The following MYO3B variants were observed in gnomAD, a reference collection of about 807,000 sequenced individuals.
The protein encoded by MYO3B is myosin-IIIb.
In MYO3B, 156 loss-of-function variants were observed where a neutral mutation model predicts 174.6. The observed-to-expected ratio is 0.89, with a 90% CI of 0.78 to 1.02. The LOEUF is 1.02. Among genes scored for constraint, MYO3B ranks in the 50% least tolerant of loss-of-function variants. The pLI is 0.00. For missense variants in MYO3B, 1,632 were observed against 1,639.4 expected (o/e 1.00, Z 0.08); for synonymous variants, 563 against 569.1 (o/e 0.99, Z 0.15).
chr2:170,394,467 G>C (rs1391817728), intron 16 of MYO3B, among the ~76,000 whole-genome samples: 2 of 152,136 alleles, frequency 1.3e-5, no homozygotes, highest in Admixed American at 1.3e-4. Flanking sequence ...TTAAGTATAT[G>C]TCCTTGAAGT....
chr2:170,621,758 C>T (rs1474405481), intron 32 of MYO3B, among the ~76,000 whole-genome samples: 2 of 152,020 alleles, frequency 1.3e-5, no homozygotes, highest in African/African-American at 2.4e-5. Flanking sequence ...ATGATCCACC[C>T]GCCTCGGCCT....
chr2:170,630,153 C>A (rs1158049696), intron 32 of MYO3B, among the ~76,000 whole-genome samples: 2 of 152,150 alleles, frequency 1.3e-5, no homozygotes, highest in Non-Finnish European at 2.9e-5. Context: ...CCTTTCCTAG[C>A]CAAGGGAAAC....
intron 8 of MYO3B, among the ~76,000 whole-genome samples, chr2:170,367,631 T>C (rs915172127): frequency 6.6e-6 from 1 of 152,192 alleles, no homozygotes; most frequent in African/African-American, 2.4e-5. Context: ...GTTCCCTCTT[T>C]TTTCAGGAAA....
chr2:170,570,786 G>C (rs1692389349), intron 32 of MYO3B, among the ~76,000 whole-genome samples: 1 of 151,456 alleles, frequency 6.6e-6, no homozygotes, highest in African/African-American at 2.4e-5. Flanking sequence ...TTTTTTTAGT[G>C]GTTTTTCAAA....
intron 9 of MYO3B, among the ~76,000 whole-genome samples, chr2:170,374,155 A>G (rs1574870849): frequency 1.3e-5 from 2 of 152,268 alleles, no homozygotes; most frequent in Admixed American, 1.3e-4. Flanking sequence ...AGGAGTTAGG[A>G]GTAGAGAAAG....
At chr2:170,318,571 A>G (rs1156753142) in intron 7 of MYO3B, among the ~76,000 whole-genome samples, 1 of 152,128 alleles carries the variant, frequency 6.6e-6, no homozygotes, top group African/African-American at 2.4e-5. Flanking sequence ...GAGTGGTCTC[A>G]AGCGAAATTT....
intron 32 of MYO3B, among the ~76,000 whole-genome samples, chr2:170,577,931 A>G (rs770756926): frequency 6.6e-6 from 1 of 152,166 alleles, no homozygotes; most frequent in Non-Finnish European, 1.5e-5. Context: ...TCAAACTGCA[A>G]AGTGTTCTAG....
intron 7 of MYO3B, among the ~76,000 whole-genome samples, chr2:170,244,864 T>C (rs1488270805): frequency 6.6e-6 from 1 of 152,196 alleles, no homozygotes; most frequent in Non-Finnish European, 1.5e-5. Flanking sequence ...GTAAAATTTG[T>C]TGTGACATCT....
intron 3 of MYO3B, among the ~76,000 whole-genome samples, chr2:170,204,904 AT>A (rs68020683): frequency 0.38 from 57,484 of 151,960 alleles, 10,866 homozygotes; most frequent in East Asian, 0.45. Flanking sequence ...TTCACTGAAC[AT>A]TTATTCTGAT....
intron 8 of MYO3B, among the ~76,000 whole-genome samples, chr2:170,359,394 T>C (rs2094145077): frequency 6.6e-6 from 1 of 152,150 alleles, no homozygotes; most frequent in Non-Finnish European, 1.5e-5. Flanking sequence ...ATGAATTCAC[T>C]CCTTCCCTCT....
At chr2:170,187,107 T>G (rs1052417182) in intron 1 of MYO3B, among the ~76,000 whole-genome samples, 16 of 152,086 alleles carry the variant, frequency 1.1e-4, no homozygotes, top group Non-Finnish European at 2.2e-4. Context: ...AAAAACAAAC[T>G]GTTTGTTTCC....
intron 32 of MYO3B, among the ~76,000 whole-genome samples, chr2:170,634,565 A>G (rs1697299718): frequency 1.3e-5 from 2 of 152,234 alleles, no homozygotes; most frequent in East Asian, 3.8e-4. Context: ...ATGGGCAAGG[A>G]CTTCATGACT....
chr2:170,629,110 G>A (rs1364053165), intron 32 of MYO3B, among the ~76,000 whole-genome samples: 7 of 152,208 alleles, frequency 4.6e-5, no homozygotes. Context: ...TCTGTTCTGT[G>A]TAATTGGACC....
At position 170,550,113 on chromosome 2, in the gene MYO3B, A is replaced by G. The variant is rs567426820; in HGVS notation, c.3733+6125A>G. Among the ~76,000 whole-genome samples the G allele has an allele frequency of 1.3e-4, 20 of 152,270 alleles. 1 individual carries two copies. The East Asian group carries it at 3.3e-3, about 25-fold the overall frequency. On this transcript the variant is annotated intron_variant, in intron 32 of 34. Coordinates refer to ENST00000408978, the MANE Select transcript of MYO3B (RefSeq NM_138995.5). ...TTATGGGTAGTCTCTGAGGTTCTGA[A>G]TCCCTGCTCTTTTTGGCTCCCTCAG... is the stretch of plus-strand genomic sequence containing the variant.
At chr2:170,412,698 G>T (rs2094553401) in intron 22 of MYO3B, among the ~76,000 whole-genome samples, 1 of 152,126 alleles carries the variant, frequency 6.6e-6, no homozygotes, top group Non-Finnish European at 1.5e-5. Context: ...AGCGCCTTTT[G>T]GTATCCATCT....
In MYO3B at chr2:170,584,509, C is replaced by A. The variant is rs539439112; in HGVS notation, c.3733+40521C>A. Among the ~76,000 whole-genome samples, 57 of 152,254 alleles carry A rather than the reference C, an allele frequency of 3.7e-4. 1 individual carries two copies. The highest frequency in any genetic ancestry group is 3.7e-3 in the Admixed American group (56 of 15,302). ...TGTGGAAAATGTATTGCTTGTCATT[C>A]CTTTAAGAAAATACAGTTCTCTTCA... On this transcript the variant is annotated intron_variant, in intron 32 of 34. Coordinates refer to ENST00000408978, the MANE Select transcript of MYO3B (RefSeq NM_138995.5).
chr2:170,243,358 C>T (rs953662186), intron 7 of MYO3B, among the ~76,000 whole-genome samples: 2 of 152,122 alleles, frequency 1.3e-5, no homozygotes, highest in Non-Finnish European at 2.9e-5. Context: ...GCAGGCTAGC[C>T]TGAGGTAGTT....
At chr2:170,207,307 C>T (rs1294020204) in intron 3 of MYO3B, among the ~76,000 whole-genome samples, 2 of 152,056 alleles carry the variant, frequency 1.3e-5, no homozygotes, top group East Asian at 1.9e-4. Context: ...GGCCATCATC[C>T]GAGGCTCCAG....
chr2:170,214,630 T>C, intron 4 of MYO3B, 99 bp from the exon 5 acceptor site: 1 of 1,330,096 alleles, frequency 7.5e-7, no homozygotes. Flanking sequence ...ATGTAGACTT[T>C]CATGAGACTT....
Sources: gnomAD v4.1 joint callset for allele counts (sites outside exome capture counted in the v4.1 genomes callset) on GRCh38, gnomAD v4.1.1 for gene constraint, MANE v1.5 for transcripts, NCBI Gene and HGNC (gene_info 2026-07-23, HGNC 2026-07-21) for gene names.